RUNX1: variants seen among roughly 807,000 people sequenced by gnomAD.
The protein encoded by RUNX1 is RUNX family transcription factor 1, also known as runt-related transcription factor 1.
Under a neutral mutation model 42.8 loss-of-function variants are expected in RUNX1, and 19 were observed. That is an observed-to-expected ratio of 0.44 (90% CI 0.31 to 0.65). The LOEUF is 0.65. Among genes scored for constraint, RUNX1 ranks in the 30% least tolerant of loss-of-function variants. The pLI is 0.07. For missense variants in RUNX1, 528 were observed against 672.0 expected, an observed-to-expected ratio of 0.79 and a Z score of 2.37; for synonymous variants, 271 against 289.4, an observed-to-expected ratio of 0.94 and a Z score of 0.64.
chr21:35,003,850 T>C (rs1430997996), intron 2 of RUNX1, among the ~76,000 whole-genome samples: 2 of 152,196 alleles, frequency 1.3e-5, no homozygotes, highest in African/African-American at 4.8e-5. Context: ...AGAAACTGTA[T>C]CTTTAACACA....
At chr21:34,913,592 A>G (rs1015881229) in intron 2 of RUNX1, among the ~76,000 whole-genome samples, 13 of 152,300 alleles carry the variant, frequency 8.5e-5, no homozygotes, top group East Asian at 1.9e-4. Context: ...TTCAGTTGAG[A>G]CAGGGCAGAA....
In RUNX1 at chr21:35,048,931, A is replaced by C; in HGVS notation, c.-32T>G. ...CTCCTGAAAATGCACCCTCTTCTGA[A>C]GGCGGGGGACTCAATGATTTCTTTT... On this transcript the variant is annotated 5_prime_UTR_variant, in exon 2 of 9. Transcript: ENST00000675419. 1 of 1,603,018 alleles carries C rather than the reference A, an allele frequency of 6.2e-7. No individual in the cohort carries two copies. The highest frequency in any genetic ancestry group is 8.5e-7 in the Non-Finnish European group (1 of 1,170,156).
At chr21:35,006,121 C>T (rs183160376) in intron 2 of RUNX1, among the ~76,000 whole-genome samples, 1 of 152,128 alleles carries the variant, frequency 6.6e-6, no homozygotes, top group Non-Finnish European at 1.5e-5. Flanking sequence ...GGTCACCAGG[C>T]CTTTGAGTGC....
intron 2 of RUNX1, among the ~76,000 whole-genome samples, chr21:34,895,103 C>G (rs891943469): frequency 6.6e-6 from 1 of 152,270 alleles, no homozygotes; most frequent in East Asian, 1.9e-4. Flanking sequence ...AAATTCTTCA[C>G]CATGCAAACC....
At chr21:34,814,965 TA>T (rs1428656698) in intron 7 of RUNX1, among the ~76,000 whole-genome samples, 1 of 152,176 alleles carries the variant, frequency 6.6e-6, no homozygotes, top group African/African-American at 2.4e-5. Flanking sequence ...TATTGTGTAC[TA>T]CCCCGAAAAA....
intron 2 of RUNX1, among the ~76,000 whole-genome samples, chr21:34,985,512 T>G (rs1271802901): frequency 1.3e-5 from 2 of 152,148 alleles, no homozygotes; most frequent in East Asian, 3.9e-4. Flanking sequence ...ATGACACGAT[T>G]TTTTCTCTGA....
chr21:34,848,774 G>A (rs1020983447), intron 6 of RUNX1, among the ~76,000 whole-genome samples: 2 of 152,174 alleles, frequency 1.3e-5, no homozygotes, highest in African/African-American at 4.8e-5. Flanking sequence ...TGCCTGGCGA[G>A]TAGTGTCCGA....
intron 7 of RUNX1, among the ~76,000 whole-genome samples, chr21:34,801,439 T>C (rs1019662451): frequency 2.6e-5 from 4 of 152,248 alleles, no homozygotes; most frequent in Non-Finnish European, 5.9e-5. Context: ...CATGCAAACG[T>C]TGCATAATAT....
chr21:35,033,685 G>GA (rs1322490908), intron 2 of RUNX1, among the ~76,000 whole-genome samples: 1 of 152,136 alleles, frequency 6.6e-6, no homozygotes, highest in Non-Finnish European at 1.5e-5. Flanking sequence ...ATAACACATA[G>GA]AAAAATGAAA....
At chr21:34,927,397 C>T (rs1024677279) in intron 2 of RUNX1, among the ~76,000 whole-genome samples, 15 of 152,048 alleles carry the variant, frequency 9.9e-5, no homozygotes, top group African/African-American at 3.4e-4. Context: ...TTCTCATTTG[C>T]GGACTCTTAT....
chr21:34,808,832 G>C (rs1007072246), intron 7 of RUNX1, among the ~76,000 whole-genome samples: 3 of 152,134 alleles, frequency 2.0e-5, no homozygotes, highest in Non-Finnish European at 4.4e-5. Flanking sequence ...TTGGAGGGAG[G>C]GTTCAAGGAT....
chr21:35,005,361 T>C (rs2059076555), intron 2 of RUNX1, among the ~76,000 whole-genome samples: 1 of 152,164 alleles, frequency 6.6e-6, no homozygotes, highest in Admixed American at 6.5e-5. Context: ...TCTTCTGTCC[T>C]CTAAAGCACC....
chr21:34,821,339 TA>T (rs1485044593), intron 7 of RUNX1: 2 of 1,186,902 alleles, frequency 1.7e-6, no homozygotes, highest in African/African-American at 3.1e-5. Context: ...GGATCCATGC[TA>T]AATATTTGAT....
At chr21:34,934,345 C>T (rs944433099) in intron 2 of RUNX1, among the ~76,000 whole-genome samples, 3 of 151,996 alleles carry the variant, frequency 2.0e-5, no homozygotes, top group Admixed American at 6.6e-5. Context: ...GGACTGAGGC[C>T]ATGTCATTTT....
At chr21:35,042,462 C>G (rs1328905712) in intron 2 of RUNX1, among the ~76,000 whole-genome samples, 2 of 152,226 alleles carry the variant, frequency 1.3e-5, no homozygotes, top group Non-Finnish European at 2.9e-5. Context: ...AGCTACCTTC[C>G]TCTCTGCTTC....
intron 2 of RUNX1, among the ~76,000 whole-genome samples, chr21:34,910,506 G>C (rs1225852496): frequency 6.6e-6 from 1 of 152,046 alleles, no homozygotes; most frequent in African/African-American, 2.4e-5. Context: ...GCCACTGTCG[G>C]TTGCCCTTTG....
intron 7 of RUNX1, chr21:34,833,250 A>T (rs1040412695): frequency 2.6e-5 from 4 of 152,194 alleles, no homozygotes; most frequent in Middle Eastern, 3.4e-3. Flanking sequence ...GACTACAGGC[A>T]CCCGCCACCA....
At chr21:34,967,613 T>C (rs1355034315) in intron 2 of RUNX1, among the ~76,000 whole-genome samples, 1 of 152,098 alleles carries the variant, frequency 6.6e-6, no homozygotes, top group African/African-American at 2.4e-5. Context: ...TCCAGCCCCA[T>C]AGTGGTGAGA....
chr21:34,945,291 A>G (rs979278137), intron 2 of RUNX1, among the ~76,000 whole-genome samples: 1 of 152,228 alleles, frequency 6.6e-6, no homozygotes, highest in Admixed American at 6.5e-5. Context: ...CAATTCTACA[A>G]TCTCACAAAC....
Sources: allele counts gnomAD v4.1 joint callset (sites outside exome capture counted in the v4.1 genomes callset), GRCh38; gene constraint gnomAD v4.1.1; transcripts MANE v1.5; gene names NCBI Gene and HGNC (gene_info 2026-07-23, HGNC 2026-07-21).